Variants in CLCA2 observed in about 807,000 individuals in gnomAD.
CLCA2 encodes calcium-activated chloride channel regulator 2.
In CLCA2, 85 loss-of-function variants were observed where a neutral mutation model predicts 82.9. The observed-to-expected ratio is 1.03, with a 90% CI of 0.86 to 1.23. The LOEUF is 1.23. CLCA2 is among the 50% of genes most tolerant of loss of function. The pLI, the probability that CLCA2 is intolerant of heterozygous loss-of-function variation, is 0.00. For missense variants in CLCA2, 1,089 were observed against 1,124.8 expected (o/e 0.97, Z 0.45); for synonymous variants, 421 against 391.7 (o/e 1.07, Z -0.88).
chr1:86,440,306 G>A lies in CLCA2; in HGVS notation c.1362G>A (p.Glu454=), dbSNP rs1185161734. 2 of 1,613,626 alleles carry A rather than the reference G, an allele frequency of 1.2e-6. No individual in the cohort carries two copies. The highest frequency in any genetic ancestry group is 1.3e-5 in the African/African-American group (1 of 74,860). The change falls in exon 8 of 14, where the codon GAG becomes GAA. Residue 454 remains glutamate, a synonymous_variant. Transcript: ENST00000370565. ...ALGSSAAPNL[E]ELSRLTGGLK... is the part of the protein sequence containing the mutation. ...GTTCATCTGCAGCCCCAAATCTGGA[G>A]GAATTATCACGTCTTACAGGTAATA...
rs1663015755 is a variant in CLCA2, at chr1:86,453,520, T to G, written c.2307T>G (p.Ile769Met). Residue 769 changes from isoleucine (I) to methionine (M), a missense_variant, in exon 13 of 14, where the codon ATT (isoleucine) becomes ATG (methionine). Ile to Met is a conservative substitution (Grantham distance 10). Transcript: ENST00000370565. ...CTGATGTGTTTCCACCATGCAAAAT[T>G]ATTGACCTGGAAGCTGTAAAAGTAG... is the stretch of plus-strand genomic sequence containing the variant. Reference protein sequence around the residue: ...PHPDVFPPCKIIDLEAVKVEE... With the variant: ...PHPDVFPPCKMIDLEAVKVEE... 3 of 1,614,114 alleles carry G rather than the reference T, an allele frequency of 1.9e-6. No individual in the cohort carries two copies. The highest frequency in any genetic ancestry group is 2.5e-6 in the Non-Finnish European group (3 of 1,180,008).
At chr1:86,440,411 C>A in intron 8 of CLCA2, 86 bp downstream of exon 8, 2 of 1,158,194 alleles carry the variant, frequency 1.7e-6, no homozygotes, top group Non-Finnish European at 2.4e-6. Flanking sequence ...CATTATATGG[C>A]TTAATTGAAA....
chr1:86,454,863 A>G (rs1663040983), intron 13 of CLCA2, among the ~76,000 whole-genome samples: 1 of 147,508 alleles, frequency 6.8e-6, no homozygotes, highest in Non-Finnish European at 1.5e-5. Flanking sequence ...AAAAAATAAC[A>G]TATTTTGTGT....
intron 9 of CLCA2, 60 bp downstream of exon 9, chr1:86,441,603 G>A: frequency 3.5e-6 from 4 of 1,150,856 alleles, no homozygotes; most frequent in Admixed American, 1.7e-5. Context: ...AAGGAAACAA[G>A]GGAAATCAAC....
intron 11 of CLCA2, among the ~76,000 whole-genome samples, chr1:86,448,746 G>T (rs887836668): frequency 6.6e-6 from 1 of 152,226 alleles, no homozygotes; most frequent in African/African-American, 2.4e-5. Flanking sequence ...AAGGGTTTTG[G>T]TTCAAGTCCA....
intron 2 of CLCA2, among the ~76,000 whole-genome samples, chr1:86,427,186 C>T (rs1662404046): frequency 6.6e-6 from 1 of 152,130 alleles, no homozygotes; most frequent in Non-Finnish European, 1.5e-5. Context: ...TAGATAAGAG[C>T]TGAATTACTG....
At chr1:86,432,301 G>A (rs1341821910) in intron 4 of CLCA2, 68 bp from the exon 5 acceptor site, 2 of 1,543,722 alleles carry the variant, frequency 1.3e-6, no homozygotes, top group African/African-American at 2.8e-5. Context: ...AATTATATAA[G>A]CTAGTCAACA....
chr1:86,450,752 G>A lies in CLCA2; in HGVS notation c.2155+19G>A. On this transcript the variant is annotated intron_variant, in intron 12 of 13. Transcript: ENST00000370565. ...GCAAACGGTAAGAACCATTAGCACTGTTATTTGAGTAACATCATTTCATGT... is the reference window on the plus strand; with the variant it reads ...GCAAACGGTAAGAACCATTAGCACTATTATTTGAGTAACATCATTTCATGT... 1 of 1,563,240 alleles carries A rather than the reference G, an allele frequency of 6.4e-7. No homozygotes were observed. The highest frequency in any genetic ancestry group is 8.7e-7 in the Non-Finnish European group (1 of 1,151,252).
intron 7 of CLCA2, 64 bp from the exon 8 acceptor site, chr1:86,440,084 T>C (rs2101701666): frequency 6.6e-7 from 1 of 1,524,576 alleles, no homozygotes. Flanking sequence ...GAGAGTGAAT[T>C]CTTTTGCTCA....
chr1:86,453,874 G>A (rs1663023252), intron 13 of CLCA2, among the ~76,000 whole-genome samples: 1 of 152,108 alleles, frequency 6.6e-6, no homozygotes, highest in Non-Finnish European at 1.5e-5. Flanking sequence ...AGTAGAAATG[G>A]GCTCTGCACT....
chr1:86,427,561 C>CACAG (rs1054697704), intron 2 of CLCA2, among the ~76,000 whole-genome samples: 6 of 151,830 alleles, frequency 4.0e-5, no homozygotes, highest in African/African-American at 1.4e-4. Flanking sequence ...CACACACACA[C>CACAG]ACACACACAC....
chr1:86,443,191 T>C (rs1470578637), intron 9 of CLCA2, among the ~76,000 whole-genome samples: 1 of 152,096 alleles, frequency 6.6e-6, no homozygotes, highest in African/African-American at 2.4e-5. Flanking sequence ...CACACCTGAC[T>C]AATTTGTTGG....
chr1:86,438,522 T>C (rs1330530801), intron 6 of CLCA2, among the ~76,000 whole-genome samples: 3 of 152,172 alleles, frequency 2.0e-5, no homozygotes, highest in African/African-American at 7.2e-5. Context: ...TTCTTTTACC[T>C]GGACTGCATT....
chr1:86,440,401 C>T (rs1025781731), intron 8 of CLCA2, 76 bp downstream of exon 8: 95 of 1,203,308 alleles, frequency 7.9e-5, no homozygotes, highest in Middle Eastern at 4.6e-4. Context: ...CTATGAAACT[C>T]ATTATATGGC....
Position 86,424,223 on chromosome 1 carries a change from A to C in CLCA2, c.-25A>C. 6.3e-7 allele frequency: 1 copy of C among 1,598,686 alleles called. No individual in the cohort carries two copies. Among genetic ancestry groups the C allele is most frequent in the Non-Finnish European group, 8.5e-7 (1 of 1,173,994 alleles). ...CAATGTATGCAGCAGGCTCAGTGTG[A>C]GTGAACTGGAGGCTTCTCTACAACA... On this transcript the variant is annotated 5_prime_UTR_variant, in exon 1 of 14. The change abolishes the stop of an existing upstream ORF in the 5' untranslated region. Transcript: ENST00000370565.
chr1:86,426,035 A>G (rs985905037), intron 2 of CLCA2, among the ~76,000 whole-genome samples: 28 of 152,102 alleles, frequency 1.8e-4, no homozygotes, highest in African/African-American at 6.8e-4. Flanking sequence ...GGGAATGGCT[A>G]CCTTTTTTTT....
chr1:86,455,048 G>A (rs191317100), intron 13 of CLCA2, 37 bp from the exon 14 acceptor site: 1 of 1,235,638 alleles, frequency 8.1e-7, no homozygotes, highest in Non-Finnish European at 1.1e-6. Flanking sequence ...TATACTCAAA[G>A]TGACTTAATT....
At chr1:86,448,020 C>T (rs759793886) in intron 11 of CLCA2, 85 of 508,586 alleles carry the variant, frequency 1.7e-4, no homozygotes, top group Middle Eastern at 5.3e-4. Context: ...GGGAGGCAGC[C>T]GCTGGACACC....
rs370308309 is a variant in CLCA2, at chr1:86,441,468, A to C, written c.1413A>C (p.Ser471=). 22 of 1,609,078 alleles carry C rather than the reference A, an allele frequency of 1.4e-5. No homozygotes were observed. Among genetic ancestry groups the C allele is most frequent in the Middle Eastern group, 1.7e-4 (1 of 6,034 alleles). ...TAAAGTTCTTTGTTCCAGATATATC[A>C]AACTCCAATAGCATGATTGATGCTT... The part of the protein sequence containing the change: ...GGLKFFVPDI[S]NSNSMIDAFS... The change falls in exon 9 of 14, where the codon TCA becomes TCC. Residue 471 remains serine, a synonymous_variant. Coordinates refer to ENST00000370565, the MANE Select transcript of CLCA2 (RefSeq NM_006536.7).
Sources: gnomAD v4.1 joint callset for allele counts (sites outside exome capture counted in the v4.1 genomes callset) on GRCh38, gnomAD v4.1.1 for gene constraint, MANE v1.5 for transcripts, NCBI Gene and HGNC (gene_info 2026-07-23, HGNC 2026-07-21) for gene names.